Variants in CASK observed in about 807,000 individuals in gnomAD.
The protein encoded by CASK is calcium/calmodulin dependent serine protein kinase.
In CASK, 4 loss-of-function variants were observed where a neutral mutation model predicts 82.9. The observed-to-expected ratio is 0.05, with a 90% confidence interval of 0.02 to 0.11. The LOEUF (loss-of-function observed/expected upper bound fraction) is 0.11, where lower values mean the gene tolerates loss of function less well. Ranked by LOEUF, CASK falls within the 10% of genes least tolerant of loss-of-function variation. CASK has a pLI of 1.00. For missense variants in CASK, 358 were observed against 720.9 expected (o/e 0.50, Z 5.76); for synonymous variants, 259 against 253.5 (o/e 1.02, Z -0.20).
At chrX:41,610,983 T>C (rs2066036071) in intron 11 of CASK, among the ~76,000 whole-genome samples, 1 of 112,157 alleles carries the variant, frequency 8.9e-6, no homozygotes, top group Non-Finnish European at 1.9e-5. Context: ...TTTAAGTCTT[T>C]GGATCAGTGG....
intron 5 of CASK, among the ~76,000 whole-genome samples, chrX:41,718,135 G>A (rs1368457673): frequency 8.9e-6 from 1 of 112,850 alleles, no homozygotes; most frequent in Admixed American, 9.3e-5. Context: ...CAAAATGACA[G>A]GGTTCAAGGA....
At chrX:41,779,052 G>C (rs1051501973) in intron 3 of CASK, among the ~76,000 whole-genome samples, 1 of 111,942 alleles carries the variant, frequency 8.9e-6, no homozygotes, top group Non-Finnish European at 1.9e-5. Flanking sequence ...GGCTTGAAAG[G>C]CCTACTAAGG....
intron 1 of CASK, among the ~76,000 whole-genome samples, chrX:41,899,911 A>G (rs1027590214): frequency 1.7e-4 from 19 of 111,721 alleles, no homozygotes; most frequent in Non-Finnish European, 3.2e-4. Flanking sequence ...TTCAACTTGA[A>G]GAACTCCCTT....
chrX:41,677,190 G>A (rs1041982391), intron 5 of CASK, among the ~76,000 whole-genome samples: 1 of 108,892 alleles, frequency 9.2e-6, no homozygotes, highest in Non-Finnish European at 1.9e-5. Flanking sequence ...GGTCTCATAC[G>A]TATTGAGTTT....
At chrX:41,612,966 G>A in intron 11 of CASK, among the ~76,000 whole-genome samples, 1 of 103,261 alleles carries the variant, frequency 9.7e-6, no homozygotes, top group African/African-American at 3.6e-5. Context: ...GGGAAGTGAG[G>A]AGCCCCTCTG....
intron 5 of CASK, among the ~76,000 whole-genome samples, chrX:41,685,724 C>G (rs1056690844): frequency 8.9e-6 from 1 of 111,875 alleles, no homozygotes; most frequent in Non-Finnish European, 1.9e-5. Context: ...CTCAAGGGAT[C>G]TGCCCACCTC....
intron 1 of CASK, among the ~76,000 whole-genome samples, chrX:41,884,957 T>A (rs766528698): frequency 1.8e-5 from 2 of 112,229 alleles, no homozygotes; most frequent in East Asian, 5.6e-4. Flanking sequence ...ATTATTTGGG[T>A]TTTCTGTTCC....
At chrX:41,771,021 A>G (rs1225606616) in intron 3 of CASK, among the ~76,000 whole-genome samples, 2 of 112,492 alleles carry the variant, frequency 1.8e-5, no homozygotes, top group African/African-American at 6.5e-5. Flanking sequence ...CATGAATAAT[A>G]TCAATACACT....
intron 3 of CASK, among the ~76,000 whole-genome samples, chrX:41,746,947 C>G (rs1381423895): frequency 8.9e-6 from 1 of 111,764 alleles, no homozygotes; most frequent in Non-Finnish European, 1.9e-5. Flanking sequence ...GCTATACCTA[C>G]TGGGTGTGCA....
chrX:41,822,329 G>A (rs954160824), intron 2 of CASK, among the ~76,000 whole-genome samples: 2 of 110,147 alleles, frequency 1.8e-5, no homozygotes, highest in Admixed American at 9.6e-5. Flanking sequence ...AGGCCGAGGC[G>A]GGCGGACTGC....
At chrX:41,612,547 C>A (rs1292987124) in intron 11 of CASK, among the ~76,000 whole-genome samples, 1 of 105,753 alleles carries the variant, frequency 9.5e-6, no homozygotes. Flanking sequence ...GCCCCCCGCC[C>A]GGCCAGCCGC....
At chrX:41,718,994 G>T (rs1016360129) in intron 5 of CASK, among the ~76,000 whole-genome samples, 5 of 112,469 alleles carry the variant, frequency 4.4e-5, no homozygotes, top group African/African-American at 1.6e-4. Context: ...TGGCAACAAG[G>T]CTGTAAATCA....
chrX:41,729,789 T>C (rs1384064626), intron 5 of CASK: 1 of 84,309 alleles, frequency 1.2e-5, no homozygotes, highest in Non-Finnish European at 2.4e-5. Context: ...AAAATATATA[T>C]ATATATATAT....
intron 25 of CASK, among the ~76,000 whole-genome samples, chrX:41,530,214 C>T (rs1376324288): frequency 9.0e-6 from 1 of 111,701 alleles, no homozygotes. Flanking sequence ...CTACAACTCC[C>T]AAATCCTTCC....
chrX:41,721,675 A>G (rs954869962), intron 5 of CASK, among the ~76,000 whole-genome samples: 1 of 111,990 alleles, frequency 8.9e-6, no homozygotes, highest in African/African-American at 3.2e-5. Context: ...TAATTTACTA[A>G]TTGTATTCCT....
At chrX:41,909,620 T>G (rs750743939) in intron 1 of CASK, among the ~76,000 whole-genome samples, 2 of 111,022 alleles carry the variant, frequency 1.8e-5, no homozygotes, top group East Asian at 2.9e-4. Flanking sequence ...GTTTTGTTTT[T>G]TTTTTTCTTA....
chrX:41,909,213 C>T (rs2072519805), intron 1 of CASK, among the ~76,000 whole-genome samples: 1 of 111,106 alleles, frequency 9.0e-6, no homozygotes, highest in Non-Finnish European at 1.9e-5. Flanking sequence ...TCAGAAGATC[C>T]ACACTTTGAA....
intron 21 of CASK, among the ~76,000 whole-genome samples, chrX:41,549,279 T>C (rs1464846199): frequency 1.8e-5 from 2 of 111,457 alleles, no homozygotes; most frequent in Non-Finnish European, 3.8e-5. Context: ...CAGAGGCCAA[T>C]TCAGTTTCCA....
rs568986084 is a variant in CASK, at chrX:41,749,610, C to A, written c.279-4009G>T. Among the ~76,000 whole-genome samples, 19 of 108,095 alleles carry A rather than the reference C, an allele frequency of 1.8e-4. No homozygotes were observed. In the South Asian group the frequency reaches 5.8e-3, roughly 33 times the overall value. 93.9% of individuals were successfully genotyped at this position (108,095 alleles called of 115,157 possible). On this transcript the variant is annotated intron_variant, in intron 3 of 26. Transcript: ENST00000378163. ...CCGTCTTGGCCAGGCTGGTCTCGAA[C>A]TCCTGACCTCAAGTGATCTGCTCAC... is the stretch of plus-strand genomic sequence containing the variant.
Sources: allele counts gnomAD v4.1 joint callset (sites outside exome capture counted in the v4.1 genomes callset), GRCh38; gene constraint gnomAD v4.1.1; transcripts MANE v1.5; gene names NCBI Gene and HGNC (gene_info 2026-07-23, HGNC 2026-07-21).